PLD1: variants seen among roughly 807,000 people sequenced by gnomAD.
The protein encoded by PLD1 is phospholipase D1.
PLD1 carries 112 observed loss-of-function variants against 137.1 expected under a neutral mutation model. The ratio of observed to expected loss-of-function variants is 0.82; its 90% CI spans 0.70 to 0.96. PLD1 has a LOEUF of 0.96. Among genes scored for constraint, PLD1 ranks in the 40% least tolerant of loss-of-function variants. PLD1 has a pLI of 0.00. For synonymous variants in PLD1, 431 were observed against 454.7 expected, an observed-to-expected ratio of 0.95 and a Z score of 0.66; for missense variants, 1,321 against 1,342.0, an observed-to-expected ratio of 0.98 and a Z score of 0.24.
chr3:171,699,349 C>A (rs1716043495), intron 12 of PLD1, among the ~76,000 whole-genome samples: 1 of 152,210 alleles, frequency 6.6e-6, no homozygotes, highest in South Asian at 2.1e-4. Context: ...TTAGCCCCAT[C>A]TAGCTGAAAC....
intron 1 of PLD1, among the ~76,000 whole-genome samples, chr3:171,761,218 C>T (rs1348497960): frequency 6.6e-6 from 1 of 152,158 alleles, no homozygotes; most frequent in Non-Finnish European, 1.5e-5. Flanking sequence ...TAGGAACACA[C>T]TTTATAGTCA....
rs373946595 is a variant in PLD1 at position 171,674,630 on chromosome 3, G to C, written c.2116-17C>G. The C allele has an allele frequency of 3.0e-5, 39 of 1,294,938 alleles. No individual in the cohort carries two copies. Among genetic ancestry groups the C allele is most frequent in the Non-Finnish European group, 4.2e-5 (38 of 899,986 alleles). 80.2% of individuals were successfully genotyped at this position (1,294,938 alleles called of 1,614,324 possible). ...TTTCATAATCTAAAATAAAGAAAAA[G>C]GATAAAATATTCAAATGAGAAAAAA... On this transcript the variant is annotated splice_polypyrimidine_tract_variant and intron_variant, in intron 18 of 26. Transcript: ENST00000351298.
intron 1 of PLD1, among the ~76,000 whole-genome samples, chr3:171,797,926 C>G (rs1723494978): frequency 6.6e-6 from 1 of 152,074 alleles, no homozygotes; most frequent in South Asian, 2.1e-4. Flanking sequence ...TTCACGATGG[C>G]TGTCCTGTGA....
At chr3:171,693,038 C>A (rs1167225765) in intron 12 of PLD1, among the ~76,000 whole-genome samples, 3 of 152,110 alleles carry the variant, frequency 2.0e-5, no homozygotes, top group Non-Finnish European at 4.4e-5. Context: ...AATGGACACC[C>A]AAATTCAATT....
chr3:171,675,188 T>G (rs1246191697), intron 18 of PLD1, among the ~76,000 whole-genome samples: 2 of 152,124 alleles, frequency 1.3e-5, no homozygotes, highest in Non-Finnish European at 2.9e-5. Context: ...TAATCTGTAG[T>G]TACAGAACTT....
chr3:171,639,848 C>CTATATATA lies in PLD1; in HGVS notation c.2593+2984_2593+2991dup, dbSNP rs148607591. Among the ~76,000 whole-genome samples the CTATATATA allele has an allele frequency of 7.2e-3, 789 of 110,154 alleles. 9 individuals are homozygous for CTATATATA. Among genetic ancestry groups the CTATATATA allele is most frequent in the African/African-American group, 0.021 (544 of 25,468 alleles). The allele number at this position is 110,154 out of a possible 152,430, so 72.3% of individuals were successfully genotyped here. A position where few individuals can be genotyped will look rare whatever the true frequency, so the allele number is the denominator to read the frequency against. On this transcript the variant is annotated intron_variant, in intron 23 of 26. Transcript: ENST00000351298. ...TCTCTCTCTCTCTCTCTCTCTCTCT[C>CTATATATA]TATATATATATATATATCTCCTATT...
At chr3:171,719,657 G>A (rs1717947738) in intron 8 of PLD1, among the ~76,000 whole-genome samples, 1 of 152,196 alleles carries the variant, frequency 6.6e-6, no homozygotes, top group Non-Finnish European at 1.5e-5. Context: ...CCTAATAAAT[G>A]CTAAATTTAT....
chr3:171,646,585 T>C (rs1002013632), intron 21 of PLD1, among the ~76,000 whole-genome samples: 3 of 142,874 alleles, frequency 2.1e-5, no homozygotes, highest in African/African-American at 5.3e-5. Flanking sequence ...AAGAAGACAT[T>C]AAAAAATGTA....
At chr3:171,756,449 G>T (rs1480771206) in intron 1 of PLD1, among the ~76,000 whole-genome samples, 2 of 152,184 alleles carry the variant, frequency 1.3e-5, no homozygotes, top group Admixed American at 6.5e-5. Flanking sequence ...GTAAAGTAAT[G>T]CCTTAATGGG....
rs779195194 is a variant in PLD1, at chr3:171,692,411, T to C, written c.1259A>G (p.Tyr420Cys). 2 of 1,600,622 alleles carry C rather than the reference T, an allele frequency of 1.2e-6. No individual in the cohort carries two copies. Among genetic ancestry groups the C allele is most frequent in the Admixed American group, 3.3e-5 (2 of 60,018 alleles). The change falls in exon 13 of 27, where the codon TAC (tyrosine) becomes TGC (cysteine). Residue 420 changes from tyrosine (Y) to cysteine (C), a missense_variant. Coordinates refer to ENST00000351298, the MANE Select transcript of PLD1 (RefSeq NM_002662.5). The stretch of plus-strand genomic sequence containing the variant: ...GCCAAGAGCGAGTTCCACCTCTTTG[T>C]AGAGCATTATGAAGATCCTCACTCC... ...QQGVRIFIMLYKEVELALGIN... is the reference protein window; with the variant it reads ...QQGVRIFIMLCKEVELALGIN...
intron 1 of PLD1, among the ~76,000 whole-genome samples, chr3:171,804,509 G>A (rs1723769192): frequency 6.6e-6 from 1 of 152,166 alleles, no homozygotes; most frequent in Non-Finnish European, 1.5e-5. Context: ...AATGGACACT[G>A]GAGACACAAA....
At position 171,677,550 on chromosome 3, in the gene PLD1, C is replaced by T. The variant is rs1291640059; in HGVS notation, c.1996+16G>A. On this transcript the variant is annotated intron_variant, in intron 17 of 26. Transcript: ENST00000351298. Reference sequence around the variant, plus strand: ...AAGACAAAATATAACCAGCACCCCACCATTATGATACTCACCAGCAAAAGG... The same window carrying T: ...AAGACAAAATATAACCAGCACCCCATCATTATGATACTCACCAGCAAAAGG... 1 of 1,611,836 alleles carries T rather than the reference C, an allele frequency of 6.2e-7. No individual in the cohort carries two copies. Among genetic ancestry groups the T allele is most frequent in the Non-Finnish European group, 8.5e-7 (1 of 1,178,596 alleles).
chr3:171,721,164 T>A (rs572027045), intron 8 of PLD1, among the ~76,000 whole-genome samples: 1 of 152,276 alleles, frequency 6.6e-6, no homozygotes, highest in South Asian at 2.1e-4. Context: ...ACTCGAAAAA[T>A]GACTGAATAA....
chr3:171,764,309 A>G (rs1721657248), intron 1 of PLD1, among the ~76,000 whole-genome samples: 1 of 152,192 alleles, frequency 6.6e-6, no homozygotes, highest in South Asian at 2.1e-4. Context: ...AGAATCACTA[A>G]TATTCATTTA....
chr3:171,660,031 A>T (rs1472257962), intron 20 of PLD1, among the ~76,000 whole-genome samples: 1 of 152,224 alleles, frequency 6.6e-6, no homozygotes, highest in Non-Finnish European at 1.5e-5. Context: ...AAGGAATGTG[A>T]AAAATTTGGT....
intron 11 of PLD1, among the ~76,000 whole-genome samples, chr3:171,706,840 C>T (rs1394584330): frequency 1.3e-5 from 2 of 152,160 alleles, no homozygotes; most frequent in African/African-American, 4.8e-5. Flanking sequence ...TAAGTAACCC[C>T]GATTCATTCT....
chr3:171,657,423 A>G (rs1445074946), intron 21 of PLD1, among the ~76,000 whole-genome samples: 4 of 152,368 alleles, frequency 2.6e-5, no homozygotes, highest in Admixed American at 2.0e-4. Context: ...CGTGCATTCA[A>G]TGACTTAAAG....
intron 1 of PLD1, among the ~76,000 whole-genome samples, chr3:171,772,747 G>A (rs955574533): frequency 1.3e-5 from 2 of 152,160 alleles, no homozygotes; most frequent in African/African-American, 4.8e-5. Flanking sequence ...GCAGCTATGC[G>A]AGCACATTAA....
chr3:171,677,183 C>T (rs1052590293), intron 17 of PLD1, among the ~76,000 whole-genome samples: 4 of 152,130 alleles, frequency 2.6e-5, no homozygotes, highest in African/African-American at 9.7e-5. Flanking sequence ...TCTCTATCTC[C>T]TCTTAAACAT....
Sources: gnomAD v4.1 joint callset for allele counts (sites outside exome capture counted in the v4.1 genomes callset) on GRCh38, gnomAD v4.1.1 for gene constraint, MANE v1.5 for transcripts, NCBI Gene and HGNC (gene_info 2026-07-23, HGNC 2026-07-21) for gene names.